The following COL25A1 variants were observed in gnomAD, a reference collection of about 807,000 sequenced individuals.
The protein encoded by COL25A1 is collagen type XXV alpha 1 chain, also known as collagen alpha-1(XXV) chain.
A neutral mutation model predicts 128.4 loss-of-function variants in COL25A1; 103 were observed. The observed-to-expected ratio is 0.80, with a 90% CI of 0.68 to 0.94. The LOEUF is 0.94. Among genes scored for constraint, COL25A1 ranks in the 40% least tolerant of loss-of-function variants. The pLI, the probability that COL25A1 is intolerant of heterozygous loss-of-function variation, is 0.00. For missense variants in COL25A1, 745 were observed against 840.0 expected, an observed-to-expected ratio of 0.89 and a Z score of 1.40; for synonymous variants, 279 against 277.2, an observed-to-expected ratio of 1.01 and a Z score of -0.06.
At chr4:109,096,878 G>A (rs1380352187) in intron 3 of COL25A1, among the ~76,000 whole-genome samples, 5 of 152,186 alleles carry the variant, frequency 3.3e-5, no homozygotes, top group Non-Finnish European at 4.4e-5. Context: ...TTTAGTTATA[G>A]ATTTAATTGG....
At chr4:108,815,052 A>C (rs566508531) in intron 37 of COL25A1, among the ~76,000 whole-genome samples, 1 of 152,180 alleles carries the variant, frequency 6.6e-6, no homozygotes, top group East Asian at 1.9e-4. Flanking sequence ...TATAGGAAGC[A>C]CTCCTTTTTC....
At chr4:108,873,548 A>AGTG (rs1433465257) in intron 19 of COL25A1, among the ~76,000 whole-genome samples, 5 of 114,330 alleles carry the variant, frequency 4.4e-5, no homozygotes, top group Non-Finnish European at 1.9e-5. Context: ...TAGTAGTAGT[A>AGTG]GTAGTAGTAG....
At chr4:109,148,579 TC>T (rs1002411278) in intron 3 of COL25A1, among the ~76,000 whole-genome samples, 61 of 152,194 alleles carry the variant, frequency 4.0e-4, no homozygotes, top group African/African-American at 1.4e-3. Flanking sequence ...CCTGCTCTAT[TC>T]CAGGAGCTGA....
chr4:109,276,344 G>A (rs956854263), intron 3 of COL25A1, among the ~76,000 whole-genome samples: 10 of 151,366 alleles, frequency 6.6e-5, no homozygotes, highest in East Asian at 2.0e-4. Flanking sequence ...CCCAGGAGGC[G>A]GAGGTTGCAG....
chr4:109,099,267 T>C (rs1206075976), intron 3 of COL25A1, among the ~76,000 whole-genome samples: 2 of 149,866 alleles, frequency 1.3e-5, no homozygotes, highest in Non-Finnish European at 3.0e-5. Context: ...TAACAACAAA[T>C]AAGAAATGAG....
intron 5 of COL25A1, chr4:109,021,795 C>G (rs577986565): frequency 2.3e-4 from 103 of 453,328 alleles, no homozygotes; most frequent in African/African-American, 1.8e-3. Context: ...TATAAACCAC[C>G]GCTCTGGGAG....
chr4:109,019,203 C>T (rs1380947360), intron 5 of COL25A1, among the ~76,000 whole-genome samples: 1 of 151,704 alleles, frequency 6.6e-6, no homozygotes, highest in Non-Finnish European at 1.5e-5. Flanking sequence ...TGGATGCTTC[C>T]TGCCCTCAAA....
intron 3 of COL25A1, among the ~76,000 whole-genome samples, chr4:109,138,702 T>TGTTTTTTGGTTTTTGTTTTTG (rs1770066555): frequency 6.6e-6 from 1 of 152,012 alleles, no homozygotes; most frequent in Non-Finnish European, 1.5e-5. Flanking sequence ...TTTTGTTTTT[T>TGTTTTTTGGTTTTTGTTTTTG]GTTTTTTGTT....
intron 3 of COL25A1, among the ~76,000 whole-genome samples, chr4:109,239,928 C>A (rs546290346): frequency 2.0e-5 from 3 of 152,034 alleles, no homozygotes; most frequent in African/African-American, 7.2e-5. Context: ...AACACAAACA[C>A]ACACTTTAGC....
chr4:108,849,226 T>G (rs1446129797), intron 26 of COL25A1, among the ~76,000 whole-genome samples: 1 of 152,196 alleles, frequency 6.6e-6, no homozygotes, highest in East Asian at 1.9e-4. Flanking sequence ...ACAGTTAACC[T>G]AAAAAAGTAA....
intron 3 of COL25A1, among the ~76,000 whole-genome samples, chr4:109,259,832 T>A (rs559187381): frequency 6.6e-6 from 1 of 152,298 alleles, no homozygotes; most frequent in South Asian, 2.1e-4. Context: ...TCCTCCGGCA[T>A]CCCATTAAAG....
chr4:109,116,596 C>A (rs150070998), intron 3 of COL25A1, among the ~76,000 whole-genome samples: 1 of 151,956 alleles, frequency 6.6e-6, no homozygotes, highest in Non-Finnish European at 1.5e-5. Context: ...TTATCATGCC[C>A]ACCTCTCAAA....
At chr4:108,910,266 T>A (rs1173263389) in intron 13 of COL25A1, among the ~76,000 whole-genome samples, 1 of 152,188 alleles carries the variant, frequency 6.6e-6, no homozygotes, top group Admixed American at 6.5e-5. Context: ...ATAGAAATTT[T>A]AAATGTTTAT....
chr4:109,090,591 T>C (rs80101177), intron 3 of COL25A1, among the ~76,000 whole-genome samples: 3,621 of 152,326 alleles, frequency 0.024, 166 homozygotes, highest in African/African-American at 0.082. Flanking sequence ...TATGTCTAAA[T>C]GTCTTATTAA....
intron 31 of COL25A1, among the ~76,000 whole-genome samples, chr4:108,836,549 A>G (rs1733837811): frequency 6.6e-6 from 1 of 152,122 alleles, no homozygotes; most frequent in East Asian, 1.9e-4. Flanking sequence ...ATTTTTAAAA[A>G]TAAAGCGCTT....
At chr4:109,015,909 T>C (rs191939832) in intron 5 of COL25A1, among the ~76,000 whole-genome samples, 2 of 152,224 alleles carry the variant, frequency 1.3e-5, no homozygotes, top group Non-Finnish European at 2.9e-5. Context: ...CCATCTGGAG[T>C]GGCTGCTGTG....
intron 3 of COL25A1, among the ~76,000 whole-genome samples, chr4:109,099,623 A>G (rs987606547): frequency 7.2e-6 from 1 of 137,972 alleles, no homozygotes; most frequent in Non-Finnish European, 1.5e-5. Context: ...CAAAGTTATA[A>G]AAAAAAAAAG....
At chr4:108,979,427 G>A (rs553920893) in intron 6 of COL25A1, among the ~76,000 whole-genome samples, 1 of 152,278 alleles carries the variant, frequency 6.6e-6, no homozygotes, top group East Asian at 1.9e-4. Flanking sequence ...ATATTCATAG[G>A]CCTGGAGTAA....
chr4:108,846,083 T>A, intron 28 of COL25A1, 56 bp downstream of exon 28: 1 of 1,131,938 alleles, frequency 8.8e-7, no homozygotes, highest in Admixed American at 1.8e-5. Flanking sequence ...TTGTTTAATT[T>A]ATCTTAATAA....
Sources: gnomAD v4.1 joint callset for allele counts (sites outside exome capture counted in the v4.1 genomes callset) on GRCh38, gnomAD v4.1.1 for gene constraint, MANE v1.5 for transcripts, NCBI Gene and HGNC (gene_info 2026-07-23, HGNC 2026-07-21) for gene names.